The following NBEA variants were observed in gnomAD, a reference collection of about 807,000 sequenced individuals.
The protein encoded by NBEA is lysosomal-trafficking regulator 2.
NBEA carries 44 observed loss-of-function variants against 343.4 expected under a neutral mutation model. The ratio of observed to expected loss-of-function variants is 0.13; its 90% CI spans 0.10 to 0.16. The LOEUF (loss-of-function observed/expected upper bound fraction) is 0.16, where lower values mean the gene tolerates loss of function less well. NBEA is among the 10% of genes least tolerant of loss of function. The pLI is 1.00. For synonymous variants in NBEA, 1,175 were observed against 1,238.7 expected (o/e 0.95, Z 1.08); for missense variants, 2,555 against 3,631.3 (o/e 0.70, Z 7.62).
chr13:34,995,453 G>A (rs182795510), intron 1 of NBEA, among the ~76,000 whole-genome samples: 1 of 151,608 alleles, frequency 6.6e-6, no homozygotes, highest in Admixed American at 6.6e-5. Context: ...CTTTAAGCAT[G>A]TTTAACTTTA....
At chr13:35,344,764 T>A (rs1427629294) in intron 36 of NBEA, among the ~76,000 whole-genome samples, 1 of 152,072 alleles carries the variant, frequency 6.6e-6, no homozygotes, top group Non-Finnish European at 1.5e-5. Context: ...TCAGTAAAAT[T>A]TCTTCCTGTA....
chr13:35,284,017 A>ACAC (rs375281051), intron 34 of NBEA, among the ~76,000 whole-genome samples: 29,581 of 142,064 alleles, frequency 0.21, 3,018 homozygotes, highest in East Asian at 0.43. Context: ...CACACACACC[A>ACAC]CACAGATGCA....
chr13:35,371,333 G>T (rs1361638394), intron 38 of NBEA, among the ~76,000 whole-genome samples: 1 of 151,652 alleles, frequency 6.6e-6, no homozygotes, highest in Non-Finnish European at 1.5e-5. Context: ...TTTTCTTACT[G>T]GGTTATTTCA....
Position 35,583,854 on chromosome 13 carries a change from C to G in NBEA, c.7036-44C>G, listed in dbSNP as rs1261847825. ...TATAAAGATTTATTATCTAGGATAT[C>G]TAATATGACTGTATTAAACAAAATA... On this transcript the variant is annotated intron_variant, in intron 45 of 58. Coordinates refer to ENST00000379939, the MANE Select transcript of NBEA (RefSeq NM_001385012.1). 5.7e-6 allele frequency: 8 copies of G among 1,402,772 alleles called. No individual in the cohort carries two copies. In the African/African-American group the frequency reaches 1.2e-4, roughly 20 times the overall value. 86.9% of individuals were successfully genotyped at this position (1,402,772 alleles called of 1,614,324 possible). A position where few individuals can be genotyped will look rare whatever the true frequency, so the allele number is the denominator to read the frequency against.
chr13:35,139,415 T>A (rs1441405431), intron 17 of NBEA, among the ~76,000 whole-genome samples: 1 of 152,108 alleles, frequency 6.6e-6, no homozygotes, highest in Non-Finnish European at 1.5e-5. Flanking sequence ...AGAAAGAAAT[T>A]TAAATACATT....
chr13:35,214,702 A>G (rs1016097446), intron 33 of NBEA, among the ~76,000 whole-genome samples: 3 of 151,780 alleles, frequency 2.0e-5, no homozygotes, highest in African/African-American at 7.2e-5. Context: ...GACAGAGTTC[A>G]TTGTCTCAAA....
chr13:34,992,734 A>T (rs1023022718), intron 1 of NBEA, among the ~76,000 whole-genome samples: 2 of 151,570 alleles, frequency 1.3e-5, no homozygotes, highest in Admixed American at 1.3e-4. Context: ...GTGCAGTGGC[A>T]TGATCTCAGC....
intron 45 of NBEA, among the ~76,000 whole-genome samples, chr13:35,567,787 G>T (rs2080204669): frequency 6.6e-6 from 1 of 152,182 alleles, no homozygotes; most frequent in South Asian, 2.1e-4. Context: ...TATACATTTG[G>T]TTTTAGGGGG....
rs544608243 is a variant in NBEA, at chr13:35,550,521, C to T, written c.6630C>T (p.Ser2210=). 4.8e-5 allele frequency: 77 copies of T among 1,613,144 alleles called. No individual in the cohort carries two copies. Among genetic ancestry groups the T allele is most frequent in the South Asian group, 4.3e-4 (39 of 91,018 alleles). Residue 2210 remains serine, a synonymous_variant, in exon 42 of 59, where the codon AGC becomes AGT. Transcript: ENST00000379939. ...GACTTCACGGAAAATGGATGTTCAG[C>T]GAGATACGAGCTGTATTTTCAAGAC... ...TEGLHGKWMF[S]EIRAVFSRRY...
At chr13:35,317,677 T>G (rs2037836580) in intron 36 of NBEA, among the ~76,000 whole-genome samples, 1 of 152,208 alleles carries the variant, frequency 6.6e-6, no homozygotes, top group South Asian at 2.1e-4. Context: ...TAGCACTGAA[T>G]CTATAAATTA....
intron 36 of NBEA, among the ~76,000 whole-genome samples, chr13:35,341,349 T>G (rs2039573314): frequency 6.6e-6 from 1 of 152,054 alleles, no homozygotes; most frequent in African/African-American, 2.4e-5. Context: ...CCAATGGTTT[T>G]CATAGATATG....
chr13:35,064,712 C>T (rs1401228498), intron 8 of NBEA, among the ~76,000 whole-genome samples: 2 of 151,320 alleles, frequency 1.3e-5, no homozygotes. Context: ...GTTATTGGGC[C>T]CTAATCCAAT....
chr13:35,332,883 A>G (rs934775930), intron 36 of NBEA, among the ~76,000 whole-genome samples: 6 of 152,126 alleles, frequency 3.9e-5, no homozygotes, highest in African/African-American at 1.4e-4. Context: ...TAAAAGTGTT[A>G]GGACTCCTTC....
chr13:35,443,504 A>C (rs1429565983), intron 39 of NBEA, among the ~76,000 whole-genome samples: 1 of 152,042 alleles, frequency 6.6e-6, no homozygotes, highest in Non-Finnish European at 1.5e-5. Flanking sequence ...GGTTAGATCC[A>C]ACTCATTCAA....
intron 55 of NBEA, among the ~76,000 whole-genome samples, chr13:35,658,050 A>G (rs2084903600): frequency 6.6e-6 from 1 of 152,196 alleles, no homozygotes; most frequent in African/African-American, 2.4e-5. Flanking sequence ...AGTTAGCAAG[A>G]AAAGTTAAAT....
intron 49 of NBEA, among the ~76,000 whole-genome samples, chr13:35,630,985 C>T (rs1466031133): frequency 2.0e-5 from 3 of 152,160 alleles, no homozygotes; most frequent in Admixed American, 1.3e-4. Flanking sequence ...GCTGTTAATG[C>T]CAGTTAGCCA....
intron 18 of NBEA, among the ~76,000 whole-genome samples, chr13:35,154,556 A>T (rs542964684): frequency 2.6e-5 from 4 of 152,214 alleles, no homozygotes; most frequent in Admixed American, 2.6e-4. Flanking sequence ...TACATTATTG[A>T]TATATAATTA....
At chr13:35,262,182 G>A (rs2033269085) in intron 34 of NBEA, among the ~76,000 whole-genome samples, 1 of 152,218 alleles carries the variant, frequency 6.6e-6, no homozygotes. Context: ...GTGCTGCCAA[G>A]AATATGCAGC....
chr13:35,440,854 G>A (rs1841659), intron 39 of NBEA, among the ~76,000 whole-genome samples: 92,591 of 151,920 alleles, frequency 0.61, 31,379 homozygotes, highest in Non-Finnish European at 0.75. Context: ...CCTTAACTAT[G>A]AGGGCATTAC....
Sources: gnomAD v4.1 joint callset for allele counts (sites outside exome capture counted in the v4.1 genomes callset) on GRCh38, gnomAD v4.1.1 for gene constraint, MANE v1.5 for transcripts, NCBI Gene and HGNC (gene_info 2026-07-23, HGNC 2026-07-21) for gene names.